The following EPG5 variants were observed in gnomAD, a reference collection of about 807,000 sequenced individuals.
EPG5 encodes ectopic P granules protein 5 homolog.
In EPG5, 159 loss-of-function variants were observed where a neutral mutation model predicts 302.7. The ratio of observed to expected loss-of-function variants is 0.53; its 90% CI spans 0.46 to 0.60. The LOEUF is 0.60. Ranked by LOEUF, EPG5 falls within the 20% of genes least tolerant of loss-of-function variation. EPG5 has a pLI of 0.00. For missense variants in EPG5, 2,896 were observed against 3,092.4 expected (o/e 0.94, Z 1.51); for synonymous variants, 1,158 against 1,136.8 (o/e 1.02, Z -0.37).
the EPG5 span, among the ~76,000 whole-genome samples, chr18:45,821,170 T>C: frequency 6.6e-6 from 1 of 152,226 alleles, no homozygotes; most frequent in African/African-American, 2.4e-5. Flanking sequence ...TGTTGATGAC[T>C]ATCAGCTAAG....
In EPG5 at chr18:45,952,471, T is replaced by G. The variant is rs1335399941; in HGVS notation, c.1181A>C (p.Glu394Ala). ...ACTGAGCAATGCATAGATGTAAGAC[T>G]CCACTTGCAATCTTGAGAGCACAGA... ...YTSVLSRLQV[E>A]SYIYALLSSS... Residue 394 changes from glutamate to alanine, a missense_variant, in exon 3 of 44, where the codon GAG (glutamate) becomes GCG (alanine). Glu to Ala is a moderately radical substitution (Grantham distance 107). This residue lies in a region of EPG5 where 1,390 missense variants were observed against 1,430.0 expected (regional missense o/e 0.97). Transcript: ENST00000282041. 2 of 1,614,090 alleles carry G rather than the reference T, an allele frequency of 1.2e-6. No individual in the cohort carries two copies. Among genetic ancestry groups the G allele is most frequent in the Non-Finnish European group, 1.7e-6 (2 of 1,180,032 alleles).
intron 39 of EPG5, among the ~76,000 whole-genome samples, chr18:45,864,870 C>A (rs1427199546): frequency 6.6e-6 from 1 of 152,220 alleles, no homozygotes; most frequent in Admixed American, 6.5e-5. Context: ...TTTAACCTAA[C>A]AACGAGGCCA....
the EPG5 span, among the ~76,000 whole-genome samples, chr18:45,827,133 C>T: frequency 6.6e-6 from 1 of 152,204 alleles, no homozygotes; most frequent in Non-Finnish European, 1.5e-5. Flanking sequence ...CCAGCCTGGT[C>T]TCGAACTCCT....
At position 45,922,595 on chromosome 18, in the gene EPG5, T is replaced by C; in HGVS notation, c.2844A>G (p.Ser948=). Residue 948 remains serine (S), a synonymous_variant, in exon 16 of 44, where the codon TCA becomes TCG. Coordinates refer to ENST00000282041, the MANE Select transcript of EPG5 (RefSeq NM_020964.3). The stretch of plus-strand genomic sequence containing the variant: ...CATATCGAACAATACTGGCCAAATA[T>C]GAAACCTAAAACAATTATTTATTTT... ...GILSESMKQV[S]YLASIVRYGE... The C allele has an allele frequency of 1.2e-6, 2 of 1,613,720 alleles. No homozygotes were observed. Among genetic ancestry groups the C allele is most frequent in the South Asian group, 1.1e-5 (1 of 91,048 alleles).
intron 39 of EPG5, among the ~76,000 whole-genome samples, chr18:45,863,467 A>G (rs1034070617): frequency 6.6e-6 from 1 of 152,202 alleles, no homozygotes; most frequent in Non-Finnish European, 1.5e-5. Context: ...GTTAATATTC[A>G]TACTTTAATC....
chr18:45,807,157 C>A, the EPG5 span, among the ~76,000 whole-genome samples: 1 of 152,160 alleles, frequency 6.6e-6, no homozygotes, highest in Non-Finnish European at 1.5e-5. Flanking sequence ...CATCTATAAT[C>A]CTTGTAGGAA....
At chr18:45,937,743 T>C (rs2050571294) in intron 10 of EPG5, among the ~76,000 whole-genome samples, 2 of 152,108 alleles carry the variant, frequency 1.3e-5, no homozygotes, top group Admixed American at 1.3e-4. Context: ...TTTAGTATAG[T>C]TCAGTTTTGT....
intron 30 of EPG5, among the ~76,000 whole-genome samples, chr18:45,883,583 C>T (rs2049149073): frequency 6.9e-6 from 1 of 143,932 alleles, no homozygotes; most frequent in Non-Finnish European, 1.5e-5. Context: ...ACCTCAGCCT[C>T]TGAAGTAGCT....
At chr18:45,842,442 TGAGA>T in the EPG5 span, 688 of 341,028 alleles carry the variant, frequency 2.0e-3, no homozygotes, top group Middle Eastern at 3.4e-3. Context: ...TGTGTGTGTG[TGAGA>T]GAGAGAGAGA....
chr18:45,891,598 G>A (rs1179368456), intron 27 of EPG5, among the ~76,000 whole-genome samples: 1 of 151,394 alleles, frequency 6.6e-6, no homozygotes, highest in African/African-American at 2.4e-5. Flanking sequence ...ACAATACACT[G>A]AGCAACTATT....
chr18:45,921,319 G>A (rs565517534), intron 16 of EPG5, among the ~76,000 whole-genome samples: 1 of 152,194 alleles, frequency 6.6e-6, no homozygotes, highest in African/African-American at 2.4e-5. Flanking sequence ...GTGTTACAGT[G>A]AGTCTAAAAC....
the EPG5 span, chr18:45,825,406 T>C: frequency 4.4e-6 from 2 of 459,026 alleles, no homozygotes; most frequent in Non-Finnish European, 8.0e-6. Flanking sequence ...ACAACAGTTT[T>C]CTGTGAGGGG....
At chr18:45,873,859 G>A (rs1012567020) in intron 35 of EPG5, among the ~76,000 whole-genome samples, 3 of 152,144 alleles carry the variant, frequency 2.0e-5, no homozygotes, top group African/African-American at 7.2e-5. Context: ...AAAATGAAAT[G>A]AGCTATCCAG....
chr18:45,822,137 T>C, the EPG5 span, among the ~76,000 whole-genome samples: 2 of 152,128 alleles, frequency 1.3e-5, no homozygotes, highest in South Asian at 4.1e-4. Context: ...ACCCAAGATA[T>C]AGAATCAACC....
At chr18:45,843,357 G>C (rs561975469), downstream of EPG5, 1 of 152,432 alleles carries the variant, frequency 6.6e-6, no homozygotes, top group African/African-American at 2.4e-5. Flanking sequence ...AGGGAGAGGA[G>C]GGAGGCATGC....
chr18:45,821,711 T>C, the EPG5 span, among the ~76,000 whole-genome samples: 1 of 152,204 alleles, frequency 6.6e-6, no homozygotes, highest in South Asian at 2.1e-4. Flanking sequence ...ATTCATCCTC[T>C]GCAAGGGGTT....
intron 10 of EPG5, 69 bp from the exon 11 acceptor site, chr18:45,935,035 TG>T: frequency 3.4e-6 from 5 of 1,456,294 alleles, no homozygotes; most frequent in Non-Finnish European, 4.6e-6. Context: ...GACAAACCAT[TG>T]GCTCTCAAGG....
intron 35 of EPG5, among the ~76,000 whole-genome samples, chr18:45,872,843 C>T (rs1287653388): frequency 1.3e-5 from 2 of 152,140 alleles, no homozygotes; most frequent in Non-Finnish European, 2.9e-5. Flanking sequence ...TTAATGATAG[C>T]ATTCGTTTAA....
intron 32 of EPG5, among the ~76,000 whole-genome samples, chr18:45,879,526 C>G (rs2049045738): frequency 6.6e-6 from 1 of 152,090 alleles, no homozygotes; most frequent in Non-Finnish European, 1.5e-5. Context: ...CACCACCATG[C>G]CCAGCTCATT....
Sources: gnomAD v4.1 joint callset for allele counts (sites outside exome capture counted in the v4.1 genomes callset) on GRCh38, gnomAD v4.1.1 for gene constraint, gnomAD v4.1.1 regional missense constraint, MANE v1.5 for transcripts, NCBI Gene and HGNC (gene_info 2026-07-23, HGNC 2026-07-21) for gene names.